The following GRK1 variants were observed in gnomAD, a reference collection of about 807,000 sequenced individuals.
GRK1 encodes G protein-coupled receptor kinase 1, also known as rhodopsin kinase GRK1.
GRK1 carries 28 observed loss-of-function variants against 41.7 expected under a neutral mutation model. The ratio of observed to expected loss-of-function variants is 0.67; its 90% CI spans 0.50 to 0.92. GRK1 has a LOEUF of 0.92. GRK1 is among the 40% of genes least tolerant of loss of function. The pLI, the probability that GRK1 is intolerant of heterozygous loss-of-function variation, is 0.00. For missense variants in GRK1, 703 were observed against 671.2 expected, an observed-to-expected ratio of 1.05 and a Z score of -0.52; for synonymous variants, 327 against 286.7, an observed-to-expected ratio of 1.14 and a Z score of -1.42.
At chr13:113,650,219 G>A in the GRK1 span, among the ~76,000 whole-genome samples, 1 of 152,096 alleles carries the variant, frequency 6.6e-6, no homozygotes, top group Non-Finnish European at 1.5e-5. The surrounding 1 kb of genome is among the most constrained non-coding windows in gnomAD (Gnocchi z 5.0). Context: ...CATGTTGCGT[G>A]AGAGGAATGT....
rs1266677283 is a variant in GRK1 at position 113,733,832 on chromosome 13, C to CAT, written c.1396+748_1396+749insTA. Among the ~76,000 whole-genome samples the CAT allele has an allele frequency of 1.1e-4, 12 of 105,644 alleles. 1 individual carries two copies. The highest frequency in any genetic ancestry group is 1.0e-3 in the Admixed American group (10 of 9,964). 69.3% of individuals were successfully genotyped at this position (105,644 alleles called of 152,430 possible). On this transcript the variant is annotated intron_variant, in intron 6 of 6. Transcript: ENST00000335678. ...GTGCATACGTGTGTGCGTGTGTGTG[C>CAT]ACGTGCGTGTGCATGTGTATGTGTG...
chr13:113,657,626 C>T, the GRK1 span, among the ~76,000 whole-genome samples: 5 of 152,250 alleles, frequency 3.3e-5, no homozygotes, highest in Non-Finnish European at 5.9e-5. Context: ...GGCTGGCAGC[C>T]GCGTCTCGGC....
At chr13:113,664,047 C>T (rs1013107628), upstream of GRK1, among the ~76,000 whole-genome samples, 25 of 152,186 alleles carry the variant, frequency 1.6e-4, no homozygotes, top group Non-Finnish European at 2.9e-4. The surrounding 1 kb of genome is among the most constrained non-coding windows in gnomAD (Gnocchi z 5.4). Flanking sequence ...AACGGCGAAA[C>T]GGACTGTGGC....
At chr13:113,662,276 A>G (rs2049795300), upstream of GRK1, among the ~76,000 whole-genome samples, 1 of 152,228 alleles carries the variant, frequency 6.6e-6, no homozygotes, top group African/African-American at 2.4e-5. Flanking sequence ...CCATGTGACA[A>G]AAGCTCTCAG....
At chr13:113,654,723 G>A in the GRK1 span, 1 of 1,496,326 alleles carries the variant, frequency 6.7e-7, no homozygotes, top group South Asian at 1.3e-5. Context: ...TCATTTCTGG[G>A]GAGGGCACGG....
chr13:113,658,260 G>A, the GRK1 span: 4 of 1,017,292 alleles, frequency 3.9e-6, no homozygotes, highest in Admixed American at 5.0e-5. Flanking sequence ...AGGCATCGCA[G>A]GCGAAGGATC....
the GRK1 span, among the ~76,000 whole-genome samples, chr13:113,655,940 T>C: frequency 6.6e-6 from 1 of 152,218 alleles, no homozygotes; most frequent in African/African-American, 2.4e-5. Flanking sequence ...TTCTGTGAGC[T>C]GGGACAGCAC....
chr13:113,658,043 C>T, the GRK1 span: 2 of 1,602,538 alleles, frequency 1.2e-6, no homozygotes, highest in African/African-American at 2.7e-5. Context: ...CCCACCGGGA[C>T]AGGGTGCGGC....
At position 113,731,157 on chromosome 13, in the gene GRK1, C is replaced by G. The variant is rs935696167; in HGVS notation, c.1070-62C>G. 6.6e-7 allele frequency: 1 copy of G among 1,515,398 alleles called. No homozygotes were observed. The highest frequency in any genetic ancestry group is 1.4e-5 in the African/African-American group (1 of 72,692). The allele number at this position is 1,515,398 out of a possible 1,614,324, so 93.9% of individuals were successfully genotyped here. A position where few individuals can be genotyped will look rare whatever the true frequency, so the allele number is the denominator to read the frequency against. ...CCCCAGAGCATCAGTCCTGCGATTCCTGGAGTGCGTGCCCACCATGGAGGT... is the reference window on the plus strand; with the variant it reads ...CCCCAGAGCATCAGTCCTGCGATTCGTGGAGTGCGTGCCCACCATGGAGGT... On this transcript the variant is annotated intron_variant, in intron 4 of 6. Coordinates refer to ENST00000335678, the MANE Select transcript of GRK1 (RefSeq NM_002929.3). This position sits in a 1 kb window ranked among gnomAD's most constrained non-coding sequence, Gnocchi z 5.6.
the GRK1 span, among the ~76,000 whole-genome samples, chr13:113,654,516 T>A: frequency 3.3e-5 from 5 of 152,270 alleles, no homozygotes; most frequent in East Asian, 9.6e-4. Flanking sequence ...AACAAAACCC[T>A]TCTGTTTCAT....
At chr13:113,729,749 G>A (rs936709660) in intron 4 of GRK1, among the ~76,000 whole-genome samples, 9 of 152,088 alleles carry the variant, frequency 5.9e-5, no homozygotes, top group East Asian at 3.9e-4. Flanking sequence ...GCCCAGACCC[G>A]TCCCTCCATC....
At chr13:113,650,904 G>A in the GRK1 span, among the ~76,000 whole-genome samples, 3 of 152,126 alleles carry the variant, frequency 2.0e-5, no homozygotes, top group Admixed American at 6.5e-5. This position sits in a 1 kb window ranked among gnomAD's most constrained non-coding sequence, Gnocchi z 5.0. Flanking sequence ...TGAGATTGGG[G>A]CCCTCTCGTT....
the GRK1 span, chr13:113,649,525 C>G: frequency 6.5e-7 from 1 of 1,529,466 alleles, no homozygotes; most frequent in East Asian, 2.5e-5. This position sits in a 1 kb window ranked among gnomAD's most constrained non-coding sequence, Gnocchi z 4.7. Context: ...CAGGGGGTTG[C>G]TGTAGTGGGG....
At chr13:113,654,911 G>A in the GRK1 span, 731,209 of 1,613,914 alleles carry the variant, frequency 0.45, 170,173 homozygotes, top group East Asian at 0.65. Flanking sequence ...TCATCACCAC[G>A]TAGAAGGCCA....
At position 113,668,961 on chromosome 13, in the gene GRK1, G is replaced by A. The variant is rs77972269; in HGVS notation, c.700-726G>A. Reference sequence around the variant, plus strand: ...CCTGGAACATCTGCGTGTTCTCGCCGTGGAACTCGGGGCGAGTAACTATGC... The same window carrying A: ...CCTGGAACATCTGCGTGTTCTCGCCATGGAACTCGGGGCGAGTAACTATGC... On this transcript the variant is annotated intron_variant, in intron 1 of 6. Coordinates refer to ENST00000335678, the MANE Select transcript of GRK1 (RefSeq NM_002929.3). Among the ~76,000 whole-genome samples the A allele has an allele frequency of 6.9e-3, 1,048 of 152,364 alleles. 14 individuals are homozygous for A. Among genetic ancestry groups the A allele is most frequent in the African/African-American group, 0.023 (974 of 41,580 alleles).
At chr13:113,661,042 G>T in the GRK1 span, among the ~76,000 whole-genome samples, 1 of 152,132 alleles carries the variant, frequency 6.6e-6, no homozygotes, top group Non-Finnish European at 1.5e-5. Flanking sequence ...ACTCAACAGA[G>T]AATACACATT....
At chr13:113,653,908 G>A in the GRK1 span, among the ~76,000 whole-genome samples, 5 of 152,220 alleles carry the variant, frequency 3.3e-5, no homozygotes, top group African/African-American at 7.2e-5. Context: ...GATGTGAACC[G>A]TCAAATGTGC....
the GRK1 span, chr13:113,655,016 G>A: frequency 2.2e-5 from 35 of 1,577,874 alleles, no homozygotes; most frequent in African/African-American, 1.6e-4. Flanking sequence ...CCTTGAGCGC[G>A]TCCGTGATGT....
chr13:113,728,813 C>A (rs2049912905), intron 4 of GRK1, among the ~76,000 whole-genome samples: 1 of 152,170 alleles, frequency 6.6e-6, no homozygotes, highest in South Asian at 2.1e-4. Context: ...AGGAGGGATG[C>A]CCTGGAGAGG....
Sources: gnomAD v4.1 joint callset for allele counts (sites outside exome capture counted in the v4.1 genomes callset) on GRCh38, gnomAD v4.1.1 for gene constraint, Gnocchi (gnomAD v3.1) non-coding constraint, MANE v1.5 for transcripts, NCBI Gene and HGNC (gene_info 2026-07-23, HGNC 2026-07-21) for gene names.